The following TMEM14A variants were observed in gnomAD, a reference collection of about 807,000 sequenced individuals.
TMEM14A encodes the protein transmembrane protein 14A.
Under a neutral mutation model 11.6 loss-of-function variants are expected in TMEM14A, and 8 were observed. That is an observed-to-expected ratio of 0.69 (90% confidence interval 0.40 to 1.24). The LOEUF (loss-of-function observed/expected upper bound fraction) is 1.24. Ranked by LOEUF, TMEM14A falls within the 50% of genes most tolerant of loss-of-function variation. TMEM14A has a pLI of 0.01. For synonymous variants in TMEM14A, 34 were observed against 45.5 expected (o/e 0.75, Z 1.02); for missense variants, 108 against 121.9 (o/e 0.89, Z 0.54).
At chr6:52,675,881 G>C (rs955138445) in intron 1 of TMEM14A, among the ~76,000 whole-genome samples, 3 of 152,190 alleles carry the variant, frequency 2.0e-5, no homozygotes, top group African/African-American at 7.2e-5. Flanking sequence ...GAAGGCATTT[G>C]CTCCAGATCA....
At chr6:52,682,699 T>C (rs1769414200) in intron 3 of TMEM14A, among the ~76,000 whole-genome samples, 1 of 152,070 alleles carries the variant, frequency 6.6e-6, no homozygotes, top group African/African-American at 2.4e-5. Flanking sequence ...AGGATTTTTA[T>C]TGATATGCAT....
intron 3 of TMEM14A, 28 bp downstream of exon 3, chr6:52,681,942 G>A: frequency 6.3e-7 from 1 of 1,585,026 alleles, no homozygotes. Flanking sequence ...CCTGGTTACA[G>A]AGACTCAAAC....
chr6:52,674,865 T>A (rs1039536122), intron 1 of TMEM14A, among the ~76,000 whole-genome samples: 7 of 150,016 alleles, frequency 4.7e-5, no homozygotes, highest in Non-Finnish European at 7.4e-5. Flanking sequence ...TGGATGACTC[T>A]GAGATCAGCT....
rs758417981 is a variant in TMEM14A, at chr6:52,680,691, G to GTGTGTGTA, written c.71-1121_71-1120insGTGTGTAT. Reference sequence around the variant, plus strand: ...TGTGTATATATATATATACATATATGTATATATATATATACACATATATAT... The same window carrying GTGTGTGTA: ...TGTGTATATATATATATACATATATGTGTGTGTATATATATATATATACACATATATAT... On this transcript the variant is annotated intron_variant, in intron 2 of 4. Coordinates refer to ENST00000211314, the MANE Select transcript of TMEM14A (RefSeq NM_014051.4). Among the ~76,000 whole-genome samples the GTGTGTGTA allele has an allele frequency of 8.5e-3, 301 of 35,340 alleles. 40 individuals carry two copies. The highest frequency in any genetic ancestry group is 0.022 in the African/African-American group (286 of 13,146). 23.2% of individuals were successfully genotyped at this position (35,340 alleles called of 152,430 possible).
intron 2 of TMEM14A, among the ~76,000 whole-genome samples, chr6:52,679,905 A>C (rs1050570343): frequency 3.9e-5 from 6 of 152,088 alleles, no homozygotes; most frequent in African/African-American, 1.4e-4. Flanking sequence ...AACAGTAAAT[A>C]AACCTTCAGG....
At chr6:52,679,597 GA>G (rs138303774) in intron 2 of TMEM14A, among the ~76,000 whole-genome samples, 1,969 of 152,256 alleles carry the variant, frequency 0.013, 35 homozygotes, top group African/African-American at 0.045. Flanking sequence ...AAGTGGGAAG[GA>G]AAAGAGCTTA....
chr6:52,672,555 A>T (rs1338912169), intron 1 of TMEM14A, among the ~76,000 whole-genome samples: 1 of 152,016 alleles, frequency 6.6e-6, no homozygotes, highest in Admixed American at 6.5e-5. Context: ...CCACCGCCAC[A>T]CACCTGCTGC....
In TMEM14A at chr6:52,677,070, T is replaced by C; in HGVS notation, c.-16-17T>C. On this transcript the variant is annotated splice_polypyrimidine_tract_variant and intron_variant, in intron 1 of 4. Coordinates refer to ENST00000211314, the MANE Select transcript of TMEM14A (RefSeq NM_014051.4). ...CTTTTTTATTTTGTATAATTTGTCC[T>C]TTCCCCCTTGCTTTAGAATTGCAAC... 2.5e-6 allele frequency: 4 copies of C among 1,612,332 alleles called. No homozygotes were observed. The highest frequency in any genetic ancestry group is 3.4e-6 in the Non-Finnish European group (4 of 1,178,392).
chr6:52,680,826 C>T (rs893117675), intron 2 of TMEM14A, among the ~76,000 whole-genome samples: 3 of 148,014 alleles, frequency 2.0e-5, no homozygotes, highest in African/African-American at 5.0e-5. Flanking sequence ...TAGAACCTAG[C>T]GTGTTTGTCT....
intron 2 of TMEM14A, 44 bp from the exon 3 acceptor site, chr6:52,681,769 T>G (rs750039457): frequency 6.5e-7 from 1 of 1,528,370 alleles, no homozygotes. Context: ...ATTCCTTTCC[T>G]TTTGGGATTC....
At chr6:52,682,302 G>C (rs75139807) in intron 3 of TMEM14A, among the ~76,000 whole-genome samples, 1,798 of 152,284 alleles carry the variant, frequency 0.012, 33 homozygotes, top group African/African-American at 0.041. Context: ...TTTAGATTCT[G>C]CACTGCCTTA....
chr6:52,674,716 C>T (rs916061074), intron 1 of TMEM14A, among the ~76,000 whole-genome samples: 2 of 152,100 alleles, frequency 1.3e-5, no homozygotes, highest in Admixed American at 6.5e-5. Context: ...TACCACTTCT[C>T]GGCCACAGAT....
Position 52,677,188 on chromosome 6 carries a change from A to T in TMEM14A, c.70+16A>T. ...AAGCGGAGAGGTAAGCCTAACCCAA[A>T]TTTTCATGAAAGGGAATTAGTGGGG... On this transcript the variant is annotated intron_variant, in intron 2 of 4. Coordinates refer to ENST00000211314, the MANE Select transcript of TMEM14A (RefSeq NM_014051.4). 6.2e-7 allele frequency: 1 copy of T among 1,613,806 alleles called. No individual in the cohort carries two copies. The highest frequency in any genetic ancestry group is 8.5e-7 in the Non-Finnish European group (1 of 1,179,750).
chr6:52,677,323 A>T lies in TMEM14A; in HGVS notation c.70+151A>T. ...TGTCTTGGAAGGGACTCATGAAAGG[A>T]AGAGGCTTCCGTGGGGCTGAGCATG... On this transcript the variant is annotated intron_variant, in intron 2 of 4. Coordinates refer to ENST00000211314, the MANE Select transcript of TMEM14A (RefSeq NM_014051.4). 3.6e-6 allele frequency: 3 copies of T among 825,362 alleles called. No individual in the cohort carries two copies. In the South Asian group the frequency reaches 4.8e-5, roughly 13 times the overall value. 51.1% of individuals were successfully genotyped at this position (825,362 alleles called of 1,614,324 possible).
At chr6:52,683,484 A>AAC (rs1491364790) in intron 3 of TMEM14A, among the ~76,000 whole-genome samples, 7,108 of 87,350 alleles carry the variant, frequency 0.081, 232 homozygotes, top group South Asian at 0.23. Context: ...CAACAACAAC[A>AAC]AAAAAAAAAA....
At chr6:52,685,887 G>A in intron 4 of TMEM14A, 123 bp from the exon 5 acceptor site, 2 of 751,884 alleles carry the variant, frequency 2.7e-6, no homozygotes, top group East Asian at 5.6e-5. Context: ...CCAAGGGGTT[G>A]AGCTGGGAGA....
chr6:52,682,986 TA>T (rs1769420086), intron 3 of TMEM14A, among the ~76,000 whole-genome samples: 1 of 152,180 alleles, frequency 6.6e-6, no homozygotes, highest in Non-Finnish European at 1.5e-5. Context: ...ATTTTTTTTT[TA>T]TTAATCAGAT....
At chr6:52,673,470 T>TC (rs763260374) in intron 1 of TMEM14A, among the ~76,000 whole-genome samples, 1,846 of 79,728 alleles carry the variant, frequency 0.023, 18 homozygotes, top group Non-Finnish European at 0.05. Flanking sequence ...ACCACTGGAC[T>TC]CCCTCCTCTG....
rs1028354364 is a variant in TMEM14A at position 52,686,130 on chromosome 6, A to T, written c.*81A>T. 3 of 1,330,440 alleles carry T rather than the reference A, an allele frequency of 2.3e-6. No homozygotes were observed. The African/African-American group carries it at 4.5e-5, about 20-fold the overall frequency. 82.4% of individuals were successfully genotyped at this position (1,330,440 alleles called of 1,614,324 possible). The stretch of plus-strand genomic sequence containing the variant: ...ATATTTTTTTTGTATTTAAAAGATA[A>T]ACTTCAATATGGAATGCTAGAAACA... On this transcript the variant is annotated 3_prime_UTR_variant, in exon 5 of 5. Coordinates refer to ENST00000211314, the MANE Select transcript of TMEM14A (RefSeq NM_014051.4).
Sources: gnomAD v4.1 joint callset for allele counts (sites outside exome capture counted in the v4.1 genomes callset) on GRCh38, gnomAD v4.1.1 for gene constraint, MANE v1.5 for transcripts, NCBI Gene and HGNC (gene_info 2026-07-23, HGNC 2026-07-21) for gene names.